NSA2: variants seen among roughly 807,000 people sequenced by gnomAD.
The protein encoded by NSA2 is NSA2 ribosome biogenesis factor.
NSA2 carries 18 observed loss-of-function variants against 34.8 expected under a neutral mutation model. The observed-to-expected ratio is 0.52, with a 90% confidence interval of 0.36 to 0.77. The LOEUF (loss-of-function observed/expected upper bound fraction) is 0.77, where lower values mean the gene tolerates loss of function less well. NSA2 is among the 30% of genes least tolerant of loss of function. The probability of loss-of-function intolerance (pLI) is 0.00; values close to 1 mark genes in which losing one functional copy is unlikely to be tolerated. For synonymous variants in NSA2, 79 were observed against 100.2 expected, an observed-to-expected ratio of 0.79 and a Z score of 1.26; for missense variants, 188 against 314.7, an observed-to-expected ratio of 0.60 and a Z score of 3.05.
At chr5:74,768,902 TTAAAA>T (rs1744816438) in intron 1 of NSA2, 24 bp from the exon 2 acceptor site, 2 of 1,478,394 alleles carry the variant, frequency 1.4e-6, no homozygotes, top group South Asian at 2.7e-5. Context: ...CTTTAAAAAA[TTAAAA>T]TAATATTTCT....
At position 74,776,798 on chromosome 5, in the gene NSA2, C is replaced by A; in HGVS notation, c.*127C>A. The A allele has an allele frequency of 1.8e-6, 1 of 564,566 alleles. No individual in the cohort carries two copies. Among genetic ancestry groups the A allele is most frequent in the African/African-American group, 1.9e-5 (1 of 52,140 alleles). 35.0% of individuals were successfully genotyped at this position (564,566 alleles called of 1,614,324 possible). ...ATGAAGAGATTTATTAAATTGTAAACATTAAAGTGGTCCAGTTTTATAAAT... is the reference window on the plus strand; with the variant it reads ...ATGAAGAGATTTATTAAATTGTAAAAATTAAAGTGGTCCAGTTTTATAAAT... On this transcript the variant is annotated 3_prime_UTR_variant, in exon 6 of 6. Transcript: ENST00000610426.
In NSA2 at chr5:74,777,042, C is replaced by T. The variant is rs537493122; in HGVS notation, c.*371C>T. 20 of 161,206 alleles carry T rather than the reference C, an allele frequency of 1.2e-4. No homozygotes were observed. The South Asian group carries it at 3.6e-3, about 29-fold the overall frequency. 10.0% of individuals were successfully genotyped at this position (161,206 alleles called of 1,614,324 possible). A position where few individuals can be genotyped will look rare whatever the true frequency, so the allele number is the denominator to read the frequency against. ...TTTAACTGAAGTATCTTCAAAATCT[C>T]GTTAATCATTAATCCTAAAAAAGGT... On this transcript the variant is annotated 3_prime_UTR_variant, in exon 6 of 6. Coordinates refer to ENST00000610426, the MANE Select transcript of NSA2 (RefSeq NM_014886.6).
chr5:74,772,825 T>C (rs1744989171), intron 4 of NSA2, among the ~76,000 whole-genome samples: 1 of 152,180 alleles, frequency 6.6e-6, no homozygotes, highest in Admixed American at 6.5e-5. Context: ...ATGAGTCTGT[T>C]ACTAAGAAAC....
At position 74,778,828 on chromosome 5, in the gene NSA2, T is replaced by A. The variant is rs528288691; in HGVS notation, c.*2157T>A. ...CACAAAGGACTATGTGTAATGTGAC[T>A]GGACATTCAACAACTAGACTAGCCG... On this transcript the variant is annotated 3_prime_UTR_variant, in exon 6 of 6. Coordinates refer to ENST00000610426, the MANE Select transcript of NSA2 (RefSeq NM_014886.6). 3 of 152,240 alleles carry A rather than the reference T, an allele frequency of 2.0e-5. No individual in the cohort carries two copies. The East Asian group carries it at 5.8e-4, about 29-fold the overall frequency. 9.4% of individuals were successfully genotyped at this position (152,240 alleles called of 1,614,324 possible).
In NSA2 at chr5:74,777,293, AT is replaced by A. The variant is rs1275108717; in HGVS notation, c.*623del. The A allele has an allele frequency of 1.3e-5, 2 of 152,194 alleles. No individual in the cohort carries two copies. The highest frequency in any genetic ancestry group is 1.9e-4 in the East Asian group (1 of 5,208). 9.4% of individuals were successfully genotyped at this position (152,194 alleles called of 1,614,324 possible). A position where few individuals can be genotyped will look rare whatever the true frequency, so the allele number is the denominator to read the frequency against. On this transcript the variant is annotated 3_prime_UTR_variant, in exon 6 of 6. Coordinates refer to ENST00000610426, the MANE Select transcript of NSA2 (RefSeq NM_014886.6). ...TACTTGAATCATGAAAATGAAAAAAATATACTAAAGTCTTTGTACTCTCTTA... is the reference window on the plus strand; with the variant it reads ...TACTTGAATCATGAAAATGAAAAAAAATACTAAAGTCTTTGTACTCTCTTA...
chr5:74,769,051 A>G lies in NSA2; in HGVS notation c.124A>G (p.Met42Val). Residue 42 changes from methionine (M) to valine (V), a missense_variant, in exon 2 of 6, where the codon ATG (methionine) becomes GTG (valine). Coordinates refer to ENST00000610426, the MANE Select transcript of NSA2 (RefSeq NM_014886.6). ...AHERSKKAKK[M>V]IGLKAKLYHK... ...TGAACGTTCAAAGAAGGCAAAGAAA[A>G]TGATTGGTCTGAAGGCTAAGCTTTA... 1 of 1,612,458 alleles carries G rather than the reference A, an allele frequency of 6.2e-7. No individual in the cohort carries two copies. Among genetic ancestry groups the G allele is most frequent in the South Asian group, 1.1e-5 (1 of 90,748 alleles).
chr5:74,768,573 G>T (rs2112409053), intron 1 of NSA2, among the ~76,000 whole-genome samples: 1 of 152,314 alleles, frequency 6.6e-6, no homozygotes, highest in South Asian at 2.1e-4. Context: ...GTTTTACTGT[G>T]TGTAAATTAT....
chr5:74,774,572 C>G (rs1745050170), intron 5 of NSA2, among the ~76,000 whole-genome samples: 2 of 151,974 alleles, frequency 1.3e-5, no homozygotes, highest in African/African-American at 4.8e-5. Flanking sequence ...CCACTGCACT[C>G]CAGACTGGGA....
In NSA2 at chr5:74,777,520, T is replaced by A. The variant is rs1745179250; in HGVS notation, c.*849T>A. The A allele has an allele frequency of 6.6e-6, 1 of 152,158 alleles. No individual in the cohort carries two copies. 9.4% of individuals were successfully genotyped at this position (152,158 alleles called of 1,614,324 possible). On this transcript the variant is annotated 3_prime_UTR_variant, in exon 6 of 6. Coordinates refer to ENST00000610426, the MANE Select transcript of NSA2 (RefSeq NM_014886.6). ...TGGTGAAAGCACTTTTGTGATCTGT[T>A]ATATGTTGTGGTTTTAAGGATGGCG...
Position 74,777,449 on chromosome 5 carries a change from C to A in NSA2, c.*778C>A, listed in dbSNP as rs1415203075. On this transcript the variant is annotated 3_prime_UTR_variant, in exon 6 of 6. Transcript: ENST00000610426. ...GATTCCCTGAGGAGAAATTTATTTG[C>A]AGTTACTTAGATGATGTAAAAAGGT... The A allele has an allele frequency of 1.3e-5, 2 of 152,102 alleles. No homozygotes were observed. Among genetic ancestry groups the A allele is most frequent in the Non-Finnish European group, 2.9e-5 (2 of 67,954 alleles). 9.4% of individuals were successfully genotyped at this position (152,102 alleles called of 1,614,324 possible).
chr5:74,774,116 T>C (rs1203164470), intron 5 of NSA2, 56 bp downstream of exon 5: 10 of 1,190,898 alleles, frequency 8.4e-6, no homozygotes, highest in East Asian at 2.4e-5. Context: ...ATAGAAATAC[T>C]ATTCAAGTTG....
intron 3 of NSA2, among the ~76,000 whole-genome samples, chr5:74,770,326 C>T (rs907464321): frequency 3.4e-5 from 5 of 146,302 alleles, no homozygotes; most frequent in Non-Finnish European, 6.0e-5. Context: ...GAGCGAGACT[C>T]CATCTAAAAA....
Position 74,777,953 on chromosome 5 carries a change from T to G in NSA2, c.*1282T>G, listed in dbSNP as rs551701502. ...CCTTGGAAATGACGATCCAGGATGATACAATCACTTGATGACAGAAGGTAA... is the reference window on the plus strand; with the variant it reads ...CCTTGGAAATGACGATCCAGGATGAGACAATCACTTGATGACAGAAGGTAA... On this transcript the variant is annotated 3_prime_UTR_variant, in exon 6 of 6. Transcript: ENST00000610426. 6.6e-6 allele frequency: 1 copy of G among 152,170 alleles called. No individual in the cohort carries two copies. Among genetic ancestry groups the G allele is most frequent in the Non-Finnish European group, 1.5e-5 (1 of 67,888 alleles). The allele number at this position is 152,170 out of a possible 1,614,324, so 9.4% of individuals were successfully genotyped here.
chr5:74,776,459 C>T, intron 5 of NSA2, 145 bp from the exon 6 acceptor site: 1 of 582,764 alleles, frequency 1.7e-6, no homozygotes, highest in Non-Finnish European at 3.1e-6. Flanking sequence ...AGCCAGATCA[C>T]GCCACCACAC....
intron 5 of NSA2, among the ~76,000 whole-genome samples, chr5:74,775,390 C>A (rs768306252): frequency 6.6e-6 from 1 of 151,362 alleles, no homozygotes; most frequent in Non-Finnish European, 1.5e-5. Flanking sequence ...CCGAGGCAGG[C>A]GGTTCACTTG....
chr5:74,771,865 AAAAAG>A lies in NSA2; in HGVS notation c.522+1060_522+1064del, dbSNP rs1244891017. 6.2e-3 allele frequency among the ~76,000 whole-genome samples: 666 copies of A among 106,776 alleles called. 4 individuals carry two copies. The highest frequency in any genetic ancestry group is 0.011 in the Admixed American group (105 of 9,536). The allele number at this position is 106,776 out of a possible 152,430, so 70.0% of individuals were successfully genotyped here. A position where few individuals can be genotyped will look rare whatever the true frequency, so the allele number is the denominator to read the frequency against. The stretch of plus-strand genomic sequence containing the variant: ...CAAGATTCTGTCTCAAAAAAAAAAA[AAAAAG>A]AAAAAAAGAAAAAGAAAATCTTTGA... On this transcript the variant is annotated intron_variant, in intron 4 of 5. Coordinates refer to ENST00000610426, the MANE Select transcript of NSA2 (RefSeq NM_014886.6).
chr5:74,776,675 C>T lies in NSA2; in HGVS notation c.*4C>T, dbSNP rs1428059366. 2 of 1,461,126 alleles carry T rather than the reference C, an allele frequency of 1.4e-6. No individual in the cohort carries two copies. Among genetic ancestry groups the T allele is most frequent in the Non-Finnish European group, 9.6e-7 (1 of 1,042,604 alleles). The allele number at this position is 1,461,126 out of a possible 1,614,324, so 90.5% of individuals were successfully genotyped here. On this transcript the variant is annotated 3_prime_UTR_variant, in exon 6 of 6. Transcript: ENST00000610426. ...AAATGCAGTCTTACTGGTTTGACAG[C>T]AATTTCATATATAATTATTGAGGAC...
chr5:74,777,211 A>G lies in NSA2; in HGVS notation c.*540A>G, dbSNP rs922301652. 15 of 152,218 alleles carry G rather than the reference A, an allele frequency of 9.9e-5. No individual in the cohort carries two copies. The highest frequency in any genetic ancestry group is 3.4e-4 in the African/African-American group (14 of 41,464). The allele number at this position is 152,218 out of a possible 1,614,324, so 9.4% of individuals were successfully genotyped here. The stretch of plus-strand genomic sequence containing the variant: ...CAAAGGTCTAGTGAATTCACATTCT[A>G]AACATTTTTTTCATCTCATTTACCA... On this transcript the variant is annotated 3_prime_UTR_variant, in exon 6 of 6. Transcript: ENST00000610426.
chr5:74,767,271 G>A lies in NSA2; in HGVS notation c.-90G>A. Reference sequence around the variant, plus strand: ...GTGACTCTTTCCTGTCCCGGCCTGCGTGGTGTGGGCTTGTGGGTCTTTGAG... The same window carrying A: ...GTGACTCTTTCCTGTCCCGGCCTGCATGGTGTGGGCTTGTGGGTCTTTGAG... On this transcript the variant is annotated 5_prime_UTR_variant, in exon 1 of 6. It adds an upstream start codon to the 5' untranslated region. Coordinates refer to ENST00000610426, the MANE Select transcript of NSA2 (RefSeq NM_014886.6). The A allele has an allele frequency of 6.6e-7, 1 of 1,510,862 alleles. No homozygotes were observed. Among genetic ancestry groups the A allele is most frequent in the Non-Finnish European group, 9.2e-7 (1 of 1,089,108 alleles). The allele number at this position is 1,510,862 out of a possible 1,614,324, so 93.6% of individuals were successfully genotyped here. A position where few individuals can be genotyped will look rare whatever the true frequency, so the allele number is the denominator to read the frequency against.
Sources: gnomAD v4.1 joint callset for allele counts (sites outside exome capture counted in the v4.1 genomes callset) on GRCh38, gnomAD v4.1.1 for gene constraint, MANE v1.5 for transcripts, NCBI Gene and HGNC (gene_info 2026-07-23, HGNC 2026-07-21) for gene names.